CADM1: variants seen among roughly 807,000 people sequenced by gnomAD.
CADM1 encodes the protein cell adhesion molecule 1, also known as TSLC-1.
Under a neutral mutation model 53.1 loss-of-function variants are expected in CADM1, and 15 were observed. That is an observed-to-expected ratio of 0.28 (90% CI 0.19 to 0.44). The LOEUF is 0.44. Ranked by LOEUF, CADM1 falls within the 20% of genes least tolerant of loss-of-function variation. CADM1 has a pLI of 1.00. For synonymous variants in CADM1, 281 were observed against 243.0 expected (o/e 1.16, Z -1.45); for missense variants, 434 against 611.3 (o/e 0.71, Z 3.06).
At position 115,441,625 on chromosome 11, in the gene CADM1, G is replaced by C. The variant is rs183467010; in HGVS notation, c.124+62646C>G. Among the ~76,000 whole-genome samples, 755 of 152,230 alleles carry C rather than the reference G, an allele frequency of 5.0e-3. 2 individuals are homozygous for C. The highest frequency in any genetic ancestry group is 8.4e-3 in the Non-Finnish European group (569 of 68,016). On this transcript the variant is annotated intron_variant, in intron 1 of 11. Coordinates refer to ENST00000331581, the MANE Select transcript of CADM1 (RefSeq NM_001301043.2). ...TCAAACTTTATAGAAAATGAGCAAG[G>C]TACTGACTTACTCACGCCAATCACT...
In CADM1 at chr11:115,190,940, G is replaced by A. The variant is rs759549353; in HGVS notation, c.1113C>T (p.Gly371=). The part of the protein sequence containing the change: ...TTATTEPAVH[G]LTQLPNSAEE... Reference sequence around the variant, plus strand: ...CTGCGGAATTGGGCAACTGAGTAAGGCCTTACAAGTAAAAACAAATCGTTT... The same window carrying A: ...CTGCGGAATTGGGCAACTGAGTAAGACCTTACAAGTAAAAACAAATCGTTT... Residue 371 remains glycine, a splice_region_variant and synonymous_variant, in exon 10 of 12, where the codon GGC becomes GGT. Transcript: ENST00000331581. 1.9e-6 allele frequency: 3 copies of A among 1,591,260 alleles called. No homozygotes were observed. Among genetic ancestry groups the A allele is most frequent in the Admixed American group, 1.7e-5 (1 of 59,224 alleles).
chr11:115,245,998 T>C (rs754814707), intron 1 of CADM1, among the ~76,000 whole-genome samples: 3 of 152,230 alleles, frequency 2.0e-5, no homozygotes, highest in Non-Finnish European at 2.9e-5. Flanking sequence ...CGAAAGCGTT[T>C]GATGAAAGAA....
intron 1 of CADM1, among the ~76,000 whole-genome samples, chr11:115,446,208 C>T (rs1475818770): frequency 6.6e-6 from 1 of 152,112 alleles, no homozygotes; most frequent in African/African-American, 2.4e-5. Flanking sequence ...TTCCTTACTC[C>T]TCATCAGAAT....
At position 115,174,801 on chromosome 11, in the gene CADM1, TAGC is replaced by T; in HGVS notation, c.*1670_*1672del. 1.0e-6 allele frequency: 1 copy of T among 963,390 alleles called. No homozygotes were observed. Among genetic ancestry groups the T allele is most frequent in the Non-Finnish European group, 1.2e-6 (1 of 809,722 alleles). The allele number at this position is 963,390 out of a possible 1,614,324, so 59.7% of individuals were successfully genotyped here. On this transcript the variant is annotated 3_prime_UTR_variant, in exon 12 of 12. Coordinates refer to ENST00000331581, the MANE Select transcript of CADM1 (RefSeq NM_001301043.2). ...GATGCCATCTTTCCATAGGGACTGT[TAGC>T]TGGAGTCTGGAGTCTTACCAAACAT...
chr11:115,302,885 C>A (rs550937672), intron 1 of CADM1, among the ~76,000 whole-genome samples: 1 of 152,112 alleles, frequency 6.6e-6, no homozygotes, highest in African/African-American at 2.4e-5. Context: ...AGCAATGTTG[C>A]CATCTCTGTG....
At chr11:115,365,993 T>TG (rs1326587179) in intron 1 of CADM1, among the ~76,000 whole-genome samples, 2 of 152,194 alleles carry the variant, frequency 1.3e-5, no homozygotes, top group Non-Finnish European at 2.9e-5. Context: ...GTTTTATGTA[T>TG]GAGGGCCATT....
chr11:115,203,064 G>A (rs1385557822), intron 8 of CADM1, among the ~76,000 whole-genome samples: 2 of 152,044 alleles, frequency 1.3e-5, no homozygotes, highest in South Asian at 2.1e-4. Flanking sequence ...GGAGAGACAG[G>A]ATAAAGCTCT....
chr11:115,286,231 A>G (rs979559731), intron 1 of CADM1, among the ~76,000 whole-genome samples: 1 of 152,194 alleles, frequency 6.6e-6, no homozygotes, highest in African/African-American at 2.4e-5. Flanking sequence ...AACCGCAGCA[A>G]ATCTGTAGCA....
intron 1 of CADM1, among the ~76,000 whole-genome samples, chr11:115,341,374 C>T (rs993333810): frequency 7.2e-5 from 11 of 152,090 alleles, no homozygotes; most frequent in African/African-American, 2.7e-4. Context: ...ATGACAACTA[C>T]CTTTAATTAA....
At chr11:115,374,730 T>C (rs1022102501) in intron 1 of CADM1, among the ~76,000 whole-genome samples, 1 of 152,130 alleles carries the variant, frequency 6.6e-6, no homozygotes, top group Non-Finnish European at 1.5e-5. Context: ...TTAAAAAACA[T>C]GTTAAACAAC....
intron 1 of CADM1, among the ~76,000 whole-genome samples, chr11:115,247,281 T>C (rs1253652766): frequency 1.3e-5 from 2 of 152,200 alleles, no homozygotes. Flanking sequence ...ATAACAAGGT[T>C]CCACTTTTCA....
chr11:115,504,296 G>T lies in CADM1; in HGVS notation c.99C>A (p.Phe33Leu), dbSNP rs146611678. Residue 33 changes from phenylalanine (F) to leucine (L), a missense_variant, in exon 1 of 12, where the codon TTC becomes TTA. Physicochemically the swap from Phe to Leu is conservative, Grantham distance 22. This residue lies in a region of CADM1 where 76 missense variants were observed against 59.8 expected (regional missense o/e 1.27). Transcript: ENST00000331581. ...GLRLRLLLLL[F>L]SAAALIPTGD... ...CTGTGGGGATCAGTGCCGCGGCGGA[G>T]AAGAGCAACAGCAGAAGCCGGAGCC... is the stretch of plus-strand genomic sequence containing the variant. 13 of 1,567,272 alleles carry T rather than the reference G, an allele frequency of 8.3e-6. No homozygotes were observed. The Middle Eastern group carries it at 6.6e-4, about 80-fold the overall frequency.
intron 10 of CADM1, among the ~76,000 whole-genome samples, chr11:115,187,403 G>A (rs551213309): frequency 6.6e-6 from 1 of 152,226 alleles, no homozygotes; most frequent in African/African-American, 2.4e-5. Context: ...AGCTTTAAGT[G>A]CTCCTATTAG....
rs1938933367 is a variant in CADM1 at position 115,174,572 on chromosome 11, T to C, written c.*1902A>G. The C allele has an allele frequency of 1.0e-6, 1 of 985,076 alleles. No homozygotes were observed. Among genetic ancestry groups the C allele is most frequent in the African/African-American group, 1.7e-5 (1 of 57,192 alleles). 61.0% of individuals were successfully genotyped at this position (985,076 alleles called of 1,614,324 possible). ...CAAAAGGCCCCCATATTGCAATGGT[T>C]CTATCAAAGGTTAAAATAAAGACAA... On this transcript the variant is annotated 3_prime_UTR_variant, in exon 12 of 12. Coordinates refer to ENST00000331581, the MANE Select transcript of CADM1 (RefSeq NM_001301043.2).
At chr11:115,430,856 T>G (rs1948029967) in intron 1 of CADM1, among the ~76,000 whole-genome samples, 1 of 152,220 alleles carries the variant, frequency 6.6e-6, no homozygotes, top group Admixed American at 6.5e-5. Context: ...TCTCTAGTAT[T>G]TTAACTCATT....
chr11:115,343,147 C>G lies in CADM1; in HGVS notation c.125-102727G>C, dbSNP rs990982156. Among the ~76,000 whole-genome samples, 5 of 152,086 alleles carry G rather than the reference C, an allele frequency of 3.3e-5. No individual in the cohort carries two copies. In the East Asian group the frequency reaches 7.7e-4, roughly 23 times the overall value. On this transcript the variant is annotated intron_variant, in intron 1 of 11. Transcript: ENST00000331581. ...TATCTGCATTATCTCACTGAGTTCT[C>G]GTAGCAGCCCTATAAGGTACAGACT...
chr11:115,462,793 G>T (rs1948823949), intron 1 of CADM1, among the ~76,000 whole-genome samples: 1 of 152,170 alleles, frequency 6.6e-6, no homozygotes, highest in Admixed American at 6.5e-5. Context: ...TTTAAGAGAG[G>T]CCCTTCCAGT....
chr11:115,408,306 T>C (rs1947368582), intron 1 of CADM1, among the ~76,000 whole-genome samples: 1 of 152,236 alleles, frequency 6.6e-6, no homozygotes, highest in African/African-American at 2.4e-5. Flanking sequence ...TTTTTAGTTC[T>C]TCAAACAATT....
intron 1 of CADM1, among the ~76,000 whole-genome samples, chr11:115,485,336 G>A (rs971511831): frequency 1.3e-5 from 2 of 152,282 alleles, no homozygotes; most frequent in Non-Finnish European, 2.9e-5. Context: ...CCTGTCTTCA[G>A]CACCTAATAC....
Sources: gnomAD v4.1 joint callset for allele counts (sites outside exome capture counted in the v4.1 genomes callset) on GRCh38, gnomAD v4.1.1 for gene constraint, gnomAD v4.1.1 regional missense constraint, MANE v1.5 for transcripts, NCBI Gene and HGNC (gene_info 2026-07-23, HGNC 2026-07-21) for gene names.